The following LRMDA variants were observed in gnomAD, a reference collection of about 807,000 sequenced individuals.
LRMDA encodes leucine-rich melanocyte differentiation-associated protein.
LRMDA carries 18 observed loss-of-function variants against 29.8 expected under a neutral mutation model. The ratio of observed to expected loss-of-function variants is 0.60; its 90% CI spans 0.42 to 0.90. The LOEUF is 0.90. Ranked by LOEUF, LRMDA falls within the 40% of genes least tolerant of loss-of-function variation. The probability of loss-of-function intolerance (pLI) is 0.00; values close to 1 mark genes in which losing one functional copy is unlikely to be tolerated. For synonymous variants in LRMDA, 125 were observed against 109.4 expected (o/e 1.14, Z -0.89); for missense variants, 273 against 273.9 (o/e 1.00, Z 0.02).
chr10:76,097,418 A>G (rs1849329889), intron 5 of LRMDA, among the ~76,000 whole-genome samples: 1 of 152,224 alleles, frequency 6.6e-6, no homozygotes, highest in Non-Finnish European at 1.5e-5. Context: ...AGTACTTAGA[A>G]TCACAGTAAC....
intron 2 of LRMDA, among the ~76,000 whole-genome samples, chr10:75,909,988 C>T (rs1294255939): frequency 6.6e-6 from 1 of 152,180 alleles, no homozygotes; most frequent in South Asian, 2.1e-4. Context: ...TGCTTCTATG[C>T]ACCACTCAAG....
chr10:76,163,676 T>C (rs1037570473), intron 5 of LRMDA, among the ~76,000 whole-genome samples: 1 of 152,172 alleles, frequency 6.6e-6, no homozygotes, highest in Non-Finnish European at 1.5e-5. Flanking sequence ...TTTAATTAAC[T>C]TTACTGCTAA....
At chr10:75,977,422 G>A (rs771535450) in intron 2 of LRMDA, among the ~76,000 whole-genome samples, 2 of 152,168 alleles carry the variant, frequency 1.3e-5, no homozygotes, top group Non-Finnish European at 2.9e-5. Context: ...ACTGTTGGGG[G>A]CCACACGTCC....
intron 2 of LRMDA, among the ~76,000 whole-genome samples, chr10:75,843,849 A>G (rs1844586416): frequency 6.6e-6 from 1 of 152,218 alleles, no homozygotes; most frequent in South Asian, 2.1e-4. Flanking sequence ...AGATGTTGTA[A>G]GGTCATCCAT....
chr10:76,498,161 A>C lies in LRMDA; in HGVS notation c.602-59048A>C, dbSNP rs1842889483. The stretch of plus-strand genomic sequence containing the variant: ...AACAGTTGTAAGTTTTGATTGTGAC[A>C]CTGCAGGGCTAACTCCACCTGTGCT... On this transcript the variant is annotated intron_variant, in intron 6 of 6. Transcript: ENST00000611255. Among the ~76,000 whole-genome samples the C allele has an allele frequency of 5.3e-5, 4 of 75,390 alleles. 1 individual carries two copies. Among genetic ancestry groups the C allele is most frequent in the Admixed American group, 5.0e-4 (4 of 8,078 alleles). 49.5% of individuals were successfully genotyped at this position (75,390 alleles called of 152,430 possible). A position where few individuals can be genotyped will look rare whatever the true frequency, so the allele number is the denominator to read the frequency against.
chr10:76,514,552 C>T (rs1843040586), intron 6 of LRMDA, among the ~76,000 whole-genome samples: 1 of 152,092 alleles, frequency 6.6e-6, no homozygotes, highest in Admixed American at 6.6e-5. Context: ...AAGGAAGGAG[C>T]AAAAGCCTTT....
intron 5 of LRMDA, among the ~76,000 whole-genome samples, chr10:76,211,059 T>C (rs1301543627): frequency 1.3e-5 from 2 of 152,210 alleles, no homozygotes; most frequent in African/African-American, 2.4e-5. Context: ...TCACCTGTCT[T>C]GTCCTTTGTC....
chr10:76,238,799 T>C (rs867341767), intron 5 of LRMDA, among the ~76,000 whole-genome samples: 2 of 49,806 alleles, frequency 4.0e-5, no homozygotes, highest in African/African-American at 2.2e-4. Flanking sequence ...AGTTGTTTCT[T>C]TTTTTTTTTA....
intron 3 of LRMDA, among the ~76,000 whole-genome samples, chr10:76,044,267 C>T (rs1848390340): frequency 6.6e-6 from 1 of 152,096 alleles, no homozygotes. Context: ...GAGGCCCGTG[C>T]AGGTCCGGGT....
chr10:76,430,040 A>T (rs1842174874), intron 6 of LRMDA, among the ~76,000 whole-genome samples: 1 of 152,252 alleles, frequency 6.6e-6, no homozygotes, highest in African/African-American at 2.4e-5. Context: ...CTGTTTCTCT[A>T]GCTGTAAATT....
intron 5 of LRMDA, among the ~76,000 whole-genome samples, chr10:76,118,553 C>T (rs1349148296): frequency 6.6e-6 from 1 of 152,044 alleles, no homozygotes; most frequent in African/African-American, 2.4e-5. Context: ...CCATTTGAGG[C>T]TAATACATAC....
chr10:75,494,221 G>A (rs1845020258), intron 2 of LRMDA, among the ~76,000 whole-genome samples: 1 of 152,108 alleles, frequency 6.6e-6, no homozygotes, highest in African/African-American at 2.4e-5. Flanking sequence ...TTGAAATGAT[G>A]GCTTTGATTT....
chr10:76,311,066 T>G (rs1337516517), intron 5 of LRMDA, among the ~76,000 whole-genome samples: 1 of 152,118 alleles, frequency 6.6e-6, no homozygotes, highest in African/African-American at 2.4e-5. Context: ...AATAAAGAAA[T>G]AAAGACTTGA....
At chr10:76,408,516 C>A (rs1365931020) in intron 6 of LRMDA, among the ~76,000 whole-genome samples, 1 of 152,100 alleles carries the variant, frequency 6.6e-6, no homozygotes, top group Non-Finnish European at 1.5e-5. Context: ...TTACTCCTGT[C>A]AATATTTAAC....
intron 5 of LRMDA, among the ~76,000 whole-genome samples, chr10:76,120,222 T>G (rs1170957157): frequency 6.7e-6 from 1 of 149,162 alleles, no homozygotes; most frequent in African/African-American, 2.5e-5. Flanking sequence ...AGAGTCTCAC[T>G]CTGTCACCCA....
chr10:75,765,221 T>C (rs1373267410), intron 2 of LRMDA, among the ~76,000 whole-genome samples: 1 of 152,102 alleles, frequency 6.6e-6, no homozygotes, highest in Non-Finnish European at 1.5e-5. Flanking sequence ...TGTCTTTTTT[T>C]TTTTTCTTTT....
intron 2 of LRMDA, among the ~76,000 whole-genome samples, chr10:75,491,404 G>GC (rs1205393975): frequency 1.3e-5 from 2 of 152,164 alleles, no homozygotes; most frequent in Non-Finnish European, 2.9e-5. Context: ...CTGGCCTGCG[G>GC]CACTGGCTAG....
At chr10:76,469,876 T>C (rs571538938) in intron 6 of LRMDA, among the ~76,000 whole-genome samples, 1 of 152,174 alleles carries the variant, frequency 6.6e-6, no homozygotes, top group African/African-American at 2.4e-5. Flanking sequence ...TATTGTGCAA[T>C]CATCACCACT....
chr10:75,461,439 C>T (rs1433318797), intron 2 of LRMDA, among the ~76,000 whole-genome samples: 3 of 152,078 alleles, frequency 2.0e-5, no homozygotes, highest in Admixed American at 1.3e-4. Context: ...TCATGGCCTA[C>T]TTAGGGGAGA....
Sources: gnomAD v4.1 joint callset for allele counts (sites outside exome capture counted in the v4.1 genomes callset) on GRCh38, gnomAD v4.1.1 for gene constraint, MANE v1.5 for transcripts, NCBI Gene and HGNC (gene_info 2026-07-23, HGNC 2026-07-21) for gene names.